The following COL21A1 variants were observed in gnomAD, a reference collection of about 807,000 sequenced individuals.
COL21A1 encodes collagen type XXI alpha 1 chain.
In COL21A1, 149 loss-of-function variants were observed where a neutral mutation model predicts 137.9. The observed-to-expected ratio is 1.08, with a 90% CI of 0.95 to 1.24. The LOEUF is 1.24. Among genes scored for constraint, COL21A1 ranks in the 50% most tolerant of loss-of-function variants. The pLI, the probability that COL21A1 is intolerant of heterozygous loss-of-function variation, is 0.00. For synonymous variants in COL21A1, 456 were observed against 391.5 expected, an observed-to-expected ratio of 1.16 and a Z score of -1.95; for missense variants, 1,167 against 1,158.4, an observed-to-expected ratio of 1.01 and a Z score of -0.11.
intron 1 of COL21A1, among the ~76,000 whole-genome samples, chr6:56,387,019 G>C (rs1005655589): frequency 6.6e-6 from 1 of 152,194 alleles, no homozygotes; most frequent in African/African-American, 2.4e-5. Flanking sequence ...CCTCTTAAAA[G>C]TGAACTCACC....
chr6:56,183,861 A>G (rs1037249147), intron 1 of COL21A1, among the ~76,000 whole-genome samples: 7 of 152,344 alleles, frequency 4.6e-5, no homozygotes, highest in African/African-American at 1.7e-4. Context: ...AAAACTATAC[A>G]AAAAGATACA....
Position 56,059,141 on chromosome 6 carries a change from T to A in COL21A1, c.2686+24A>T, listed in dbSNP as rs1302806406. ...CTTAAAGCAAAATGAGCAGTAACACTTATGAGCAGGTAGCAATTCTCACCT... is the reference window on the plus strand; with the variant it reads ...CTTAAAGCAAAATGAGCAGTAACACATATGAGCAGGTAGCAATTCTCACCT... On this transcript the variant is annotated intron_variant, in intron 29 of 29. Coordinates refer to ENST00000244728, the MANE Select transcript of COL21A1 (RefSeq NM_030820.4). The A allele has an allele frequency of 1.9e-6, 3 of 1,585,028 alleles. No individual in the cohort carries two copies. In the African/African-American group the frequency reaches 4.0e-5, roughly 21 times the overall value.
intron 23 of COL21A1, among the ~76,000 whole-genome samples, chr6:56,066,136 A>G (rs558237749): frequency 6.6e-6 from 1 of 152,004 alleles, no homozygotes; most frequent in East Asian, 1.9e-4. Context: ...ATTAGAATAT[A>G]TGGGTCTAGA....
chr6:56,364,360 C>T (rs6459157), intron 1 of COL21A1, among the ~76,000 whole-genome samples: 90,004 of 152,112 alleles, frequency 0.59, 27,540 homozygotes, highest in African/African-American at 0.7. Flanking sequence ...TGGAAACAAA[C>T]AGTTTCTTTG....
At chr6:56,129,687 T>C (rs1371367377) in intron 12 of COL21A1, among the ~76,000 whole-genome samples, 1 of 114,348 alleles carries the variant, frequency 8.7e-6, no homozygotes. Flanking sequence ...TGTGTGTGTG[T>C]GTGTGTGTGT....
At chr6:56,341,394 T>C (rs1765465590) in intron 1 of COL21A1, among the ~76,000 whole-genome samples, 1 of 152,150 alleles carries the variant, frequency 6.6e-6, no homozygotes, top group South Asian at 2.1e-4. Flanking sequence ...AATGGAATAT[T>C]ATGCATTGAT....
At chr6:56,269,650 G>A (rs1472975625) in intron 1 of COL21A1, among the ~76,000 whole-genome samples, 18 of 84,556 alleles carry the variant, frequency 2.1e-4, no homozygotes, top group South Asian at 1.8e-3. Context: ...GCGAGACTCC[G>A]TCTCAAAAAA....
chr6:56,109,938 T>C (rs530294271), intron 16 of COL21A1, among the ~76,000 whole-genome samples: 9 of 151,932 alleles, frequency 5.9e-5, no homozygotes, highest in Non-Finnish European at 1.2e-4. Context: ...ACCAAACATA[T>C]AAAGAAGAAA....
Position 56,061,666 on chromosome 6 carries a change from G to T in COL21A1, c.2188C>A (p.His730Asn). The T allele has an allele frequency of 6.3e-7, 1 of 1,587,558 alleles. No individual in the cohort carries two copies. The highest frequency in any genetic ancestry group is 8.6e-7 in the Non-Finnish European group (1 of 1,161,398). The part of the protein sequence containing the change: ...IPGQQGIQGH[H>N]GAKGERGEKG... ...AAACATACCTCTCCTTTTGCACCAT[G>T]ATGGCCTTGAATTCCCTTTGAAAAT... Residue 730 changes from histidine to asparagine, a missense_variant, in exon 25 of 30, where the codon CAT becomes AAT. Coordinates refer to ENST00000244728, the MANE Select transcript of COL21A1 (RefSeq NM_030820.4).
intron 1 of COL21A1, among the ~76,000 whole-genome samples, chr6:56,265,328 G>A (rs12663282): frequency 0.072 from 10,987 of 152,262 alleles, 444 homozygotes; most frequent in Middle Eastern, 0.13. Flanking sequence ...TTATCATGAG[G>A]AGCCAGAATT....
chr6:56,102,646 T>C (rs993998315), intron 16 of COL21A1, among the ~76,000 whole-genome samples: 3 of 152,142 alleles, frequency 2.0e-5, no homozygotes, highest in African/African-American at 7.2e-5. Context: ...CCCAAAATTA[T>C]AGAAAATAAA....
intron 12 of COL21A1, among the ~76,000 whole-genome samples, 172 bp downstream of exon 12, chr6:56,141,613 G>A (rs1774415305): frequency 6.6e-6 from 1 of 152,190 alleles, no homozygotes; most frequent in Admixed American, 6.5e-5. Context: ...CTTCTTTTAT[G>A]TAGTGATAAA....
At chr6:56,075,117 C>T in intron 19 of COL21A1, among the ~76,000 whole-genome samples, 1 of 151,268 alleles carries the variant, frequency 6.6e-6, no homozygotes, top group South Asian at 2.1e-4. Flanking sequence ...CATATTCTTT[C>T]CCATTAGTGT....
intron 1 of COL21A1, among the ~76,000 whole-genome samples, chr6:56,380,304 C>T (rs1224492299): frequency 6.6e-6 from 1 of 152,200 alleles, no homozygotes. Flanking sequence ...ACCTGCAGAA[C>T]TGTGAGCCAA....
intron 1 of COL21A1, chr6:56,276,647 C>G: frequency 6.9e-7 from 1 of 1,444,970 alleles, no homozygotes; most frequent in Non-Finnish European, 9.7e-7. Flanking sequence ...TTCTGGAAAA[C>G]ACGTGTCACT....
At chr6:56,274,372 T>C (rs911135576) in intron 1 of COL21A1, among the ~76,000 whole-genome samples, 2 of 152,048 alleles carry the variant, frequency 1.3e-5, no homozygotes, top group African/African-American at 4.8e-5. Context: ...ACTAGAGCAA[T>C]AAGGCAATAG....
In COL21A1 at chr6:56,179,894, G is replaced by A; in HGVS notation, c.324C>T (p.Leu108=). ...CTGTCTTTGTGTTTCCTCCTAAGTA[G>A]AGTATGGATTCCACTGCTGCCGTCA... The part of the protein sequence containing the change: ...EHLTAAVESI[L]YLGGNTKTGK... Residue 108 remains leucine (L), a synonymous_variant, in exon 3 of 30, where the codon CTC becomes CTT. Coordinates refer to ENST00000244728, the MANE Select transcript of COL21A1 (RefSeq NM_030820.4). The A allele has an allele frequency of 1.2e-6, 2 of 1,613,886 alleles. No homozygotes were observed. Among genetic ancestry groups the A allele is most frequent in the East Asian group, 2.2e-5 (1 of 44,878 alleles).
intron 9 of COL21A1, among the ~76,000 whole-genome samples, chr6:56,158,761 G>A (rs149844102): frequency 1.2e-4 from 18 of 152,166 alleles, no homozygotes; most frequent in African/African-American, 4.3e-4. Context: ...AACCAATAAA[G>A]CAGGGATGAG....
Position 56,179,719 on chromosome 6 carries a change from C to G in COL21A1, c.499G>C (p.Ala167Pro), listed in dbSNP as rs367830538. Residue 167 changes from alanine (A) to proline (P), a missense_variant, in exon 3 of 30, where the codon GCT becomes CCT. Physicochemically the swap from Ala to Pro is conservative, Grantham distance 27. Coordinates refer to ENST00000244728, the MANE Select transcript of COL21A1 (RefSeq NM_030820.4). ...AARDSKITLFAIGVGSETEDA... is the reference protein window; with the variant it reads ...AARDSKITLFPIGVGSETEDA... ...TCTGTTTCTGAACCAACACCAATAGCAAATAATGTTATCTTACTATCTCTT... is the reference window on the plus strand; with the variant it reads ...TCTGTTTCTGAACCAACACCAATAGGAAATAATGTTATCTTACTATCTCTT... 135 of 1,613,860 alleles carry G rather than the reference C, an allele frequency of 8.4e-5. No individual in the cohort carries two copies. The highest frequency in any genetic ancestry group is 1.1e-4 in the Non-Finnish European group (132 of 1,179,882).
Sources: gnomAD v4.1 joint callset for allele counts (sites outside exome capture counted in the v4.1 genomes callset) on GRCh38, gnomAD v4.1.1 for gene constraint, MANE v1.5 for transcripts, NCBI Gene and HGNC (gene_info 2026-07-23, HGNC 2026-07-21) for gene names.